The following C9orf50 variants were observed in gnomAD, a reference collection of about 807,000 sequenced individuals.
C9orf50 encodes the protein uncharacterized protein C9orf50.
A neutral mutation model predicts 42.5 loss-of-function variants in C9orf50; 33 were observed. The observed-to-expected ratio is 0.78, with a 90% CI of 0.59 to 1.04. C9orf50 has a LOEUF of 1.04. C9orf50 is among the 50% of genes least tolerant of loss of function. The pLI is 0.00. For synonymous variants in C9orf50, 257 were observed against 273.4 expected, an observed-to-expected ratio of 0.94 and a Z score of 0.59; for missense variants, 547 against 594.3, an observed-to-expected ratio of 0.92 and a Z score of 0.83.
At position 129,620,700 on chromosome 9, in the gene C9orf50, G is replaced by T; in HGVS notation, c.-126C>A. ...CGGGCGGGGCAGCGCGGTGCGGGGT[G>T]AACGCCACCGGCCCGGCGGACAGCG... is the stretch of plus-strand genomic sequence containing the variant. On this transcript the variant is annotated 5_prime_UTR_variant, in exon 1 of 7. Coordinates refer to ENST00000372478, the Ensembl canonical transcript of C9orf50. The surrounding 1 kb of genome is among the most constrained non-coding windows in gnomAD (Gnocchi z 5.8). 1 of 850,704 alleles carries T rather than the reference G, an allele frequency of 1.2e-6. No homozygotes were observed. The highest frequency in any genetic ancestry group is 1.6e-6 in the Non-Finnish European group (1 of 640,816). The allele number at this position is 850,704 out of a possible 1,614,324, so 52.7% of individuals were successfully genotyped here.
At chr9:129,619,176 T>G (rs73670147) in intron 3 of C9orf50, among the ~76,000 whole-genome samples, 6,504 of 152,080 alleles carry the variant, frequency 0.043, 179 homozygotes, top group South Asian at 0.098. Flanking sequence ...GATGGATGGA[T>G]AGATGGAGAG....
intron 3 of C9orf50, among the ~76,000 whole-genome samples, chr9:129,618,680 TA>T (rs1163406549): frequency 4.0e-5 from 6 of 151,238 alleles, no homozygotes; most frequent in Admixed American, 1.3e-4. Context: ...ATTTTTTATT[TA>T]TTTTATTTTA....
chr9:129,612,704 C>G (rs557479405), intron 6 of C9orf50, among the ~76,000 whole-genome samples: 213 of 152,332 alleles, frequency 1.4e-3, no homozygotes, highest in African/African-American at 5.0e-3. Context: ...ATAGTGAAAC[C>G]CTGTCTCTAC....
exon 4 of C9orf50, chr9:129,615,539 G>A (rs572849184): frequency 9.9e-6 from 16 of 1,610,882 alleles, no homozygotes; most frequent in Admixed American, 8.4e-5. Context: ...TCTCGTCAGC[G>A]AATCGCACCC....
In C9orf50 at chr9:129,613,705, A is replaced by AT; in HGVS notation, c.881-109dup. ...CAGGGCCGGTCAGAGCCCTGTCTCC[A>AT]TGGCAACCCCAGGCTCCCCAGCGCC... On this transcript the variant is annotated intron_variant, in intron 4 of 6. Coordinates refer to ENST00000372478, the Ensembl canonical transcript of C9orf50. The surrounding 1 kb of genome is among the most constrained non-coding windows in gnomAD (Gnocchi z 6.2). The AT allele has an allele frequency of 7.1e-7, 1 of 1,411,440 alleles. No homozygotes were observed. The highest frequency in any genetic ancestry group is 1.3e-5 in the South Asian group (1 of 76,530). 87.4% of individuals were successfully genotyped at this position (1,411,440 alleles called of 1,614,324 possible). A position where few individuals can be genotyped will look rare whatever the true frequency, so the allele number is the denominator to read the frequency against.
rs1830164571 is a variant in C9orf50 at position 129,613,042 on chromosome 9, C to G, written c.1188+65G>C. On this transcript the variant is annotated intron_variant, in intron 6 of 6. Coordinates refer to ENST00000372478, the Ensembl canonical transcript of C9orf50. The surrounding 1 kb of genome is among the most constrained non-coding windows in gnomAD (Gnocchi z 6.2). Reference sequence around the variant, plus strand: ...AGCCACTCCACCAAACAGGGCTGCTCCCGGAGCCAGCTGCCAGCAGGGGCT... The same window carrying G: ...AGCCACTCCACCAAACAGGGCTGCTGCCGGAGCCAGCTGCCAGCAGGGGCT... 1 of 1,597,982 alleles carries G rather than the reference C, an allele frequency of 6.3e-7. No individual in the cohort carries two copies.
chr9:129,612,716 G>A (rs577458455), intron 6 of C9orf50, among the ~76,000 whole-genome samples: 1 of 152,138 alleles, frequency 6.6e-6, no homozygotes, highest in Non-Finnish European at 1.5e-5. Flanking sequence ...TGTCTCTACC[G>A]AAAATACAAA....
Position 129,620,774 on chromosome 9 carries a change from A to G in C9orf50, c.-200T>C, listed in dbSNP as rs1232473816. On this transcript the variant is annotated 5_prime_UTR_variant, in exon 1 of 7. Transcript: ENST00000372478. This position sits in a 1 kb window ranked among gnomAD's most constrained non-coding sequence, Gnocchi z 5.8. ...AGAGCCTCTGTTTCCTCACCTGAAA[A>G]ATGGTGACAGCAAGAGTAGCCAACT... The G allele has an allele frequency of 1.4e-5, 6 of 439,050 alleles. No homozygotes were observed. The highest frequency in any genetic ancestry group is 3.8e-6 in the Non-Finnish European group (1 of 265,116). 27.2% of individuals were successfully genotyped at this position (439,050 alleles called of 1,614,324 possible). A position where few individuals can be genotyped will look rare whatever the true frequency, so the allele number is the denominator to read the frequency against.
rs752630755 is a variant in C9orf50 at position 129,613,062 on chromosome 9, G to A, written c.1188+45C>T. On this transcript the variant is annotated intron_variant, in intron 6 of 6. Transcript: ENST00000372478. The surrounding 1 kb of genome is among the most constrained non-coding windows in gnomAD (Gnocchi z 6.2). ...CTGCTCCCGGAGCCAGCTGCCAGCA[G>A]GGGCTCACCAGCTTCTAGGTCCAGG... 1 of 1,610,592 alleles carries A rather than the reference G, an allele frequency of 6.2e-7. No homozygotes were observed. Among genetic ancestry groups the A allele is most frequent in the Non-Finnish European group, 8.5e-7 (1 of 1,179,404 alleles).
intron 6 of C9orf50, 37 bp from the exon 7 acceptor site, chr9:129,612,491 G>A (rs566200924): frequency 6.5e-7 from 1 of 1,549,350 alleles, no homozygotes; most frequent in African/African-American, 1.4e-5. Context: ...CTGCTACCAG[G>A]ACCTCGGGGC....
At position 129,615,467 on chromosome 9, in the gene C9orf50, C is replaced by G; in HGVS notation, c.880+17G>C. The G allele has an allele frequency of 6.4e-7, 1 of 1,566,522 alleles. No individual in the cohort carries two copies. ...GAACTTTCGGGAGTCTCGAGGCTCCCCATCCTGTCTGCTTACCTGAGCGTC... is the reference window on the plus strand; with the variant it reads ...GAACTTTCGGGAGTCTCGAGGCTCCGCATCCTGTCTGCTTACCTGAGCGTC... On this transcript the variant is annotated intron_variant, in intron 4 of 6. Transcript: ENST00000372478.
At chr9:129,615,507 C>CGGA in exon 4 of C9orf50, 2 of 1,605,202 alleles carry the variant, frequency 1.2e-6, no homozygotes, top group Non-Finnish European at 1.7e-6. Context: ...CTCCCAGTAG[C>CGGA]GGAGCGTTGT....
At chr9:129,618,973 C>T (rs1161498184) in intron 3 of C9orf50, among the ~76,000 whole-genome samples, 1 of 151,646 alleles carries the variant, frequency 6.6e-6, no homozygotes, top group Non-Finnish European at 1.5e-5. Flanking sequence ...CTCAGCCTCC[C>T]AAAGTGCTGG....
chr9:129,620,053 C>A lies in C9orf50; in HGVS notation c.508+14G>T. The A allele has an allele frequency of 1.4e-6, 2 of 1,454,388 alleles. No individual in the cohort carries two copies. Among genetic ancestry groups the A allele is most frequent in the Non-Finnish European group, 1.8e-6 (2 of 1,101,874 alleles). The allele number at this position is 1,454,388 out of a possible 1,614,324, so 90.1% of individuals were successfully genotyped here. ...ATGACTCGGGCCCGCCCCCCGGGCC[C>A]CGCGGGGCCTCACTCAGTGGCTCCG... On this transcript the variant is annotated intron_variant, in intron 1 of 6. Transcript: ENST00000372478. The surrounding 1 kb of genome is among the most constrained non-coding windows in gnomAD (Gnocchi z 5.8).
At chr9:129,618,311 C>G (rs1428060938) in intron 3 of C9orf50, among the ~76,000 whole-genome samples, 1 of 152,170 alleles carries the variant, frequency 6.6e-6, no homozygotes, top group African/African-American at 2.4e-5. Context: ...TCTCTTACCT[C>G]CATCCCTTAG....
At chr9:129,612,530 T>C in intron 6 of C9orf50, 76 bp from the exon 7 acceptor site, 1 of 1,153,918 alleles carries the variant, frequency 8.7e-7, no homozygotes, top group Non-Finnish European at 1.3e-6. Context: ...TGGGATTCTG[T>C]GCTGAAGCCC....
rs756276712 is a variant in C9orf50, at chr9:129,613,309, G to A, written c.1044-58C>T. ...ACTCTGAGTCCCCGGCCCACCCATG[G>A]CTGGCAGGGCCCTTGAGGACCCACA... On this transcript the variant is annotated intron_variant, in intron 5 of 6. Transcript: ENST00000372478. This position sits in a 1 kb window ranked among gnomAD's most constrained non-coding sequence, Gnocchi z 6.2. The A allele has an allele frequency of 3.2e-6, 5 of 1,565,970 alleles. No homozygotes were observed. The highest frequency in any genetic ancestry group is 4.3e-6 in the Non-Finnish European group (5 of 1,154,712).
intron 3 of C9orf50, 108 bp downstream of exon 3, chr9:129,619,412 G>A: frequency 1.3e-6 from 1 of 787,632 alleles, no homozygotes; most frequent in Non-Finnish European, 2.1e-6. Context: ...TGGATGAATG[G>A]GTAGATAGGT....
In C9orf50 at chr9:129,613,972, G is replaced by T. The variant is rs1255161543; in HGVS notation, c.881-375C>A. Among the ~76,000 whole-genome samples the T allele has an allele frequency of 1.3e-5, 2 of 152,178 alleles. No homozygotes were observed. The highest frequency in any genetic ancestry group is 4.8e-5 in the African/African-American group (2 of 41,440). On this transcript the variant is annotated intron_variant, in intron 4 of 6. Transcript: ENST00000372478. This position sits in a 1 kb window ranked among gnomAD's most constrained non-coding sequence, Gnocchi z 6.2. ...GCTCTTCCTGTCCAACAGCAGCCATGCGAGGTGGTCCAAGGACCCTGAGTT... is the reference window on the plus strand; with the variant it reads ...GCTCTTCCTGTCCAACAGCAGCCATTCGAGGTGGTCCAAGGACCCTGAGTT...
Sources: allele counts gnomAD v4.1 joint callset (sites outside exome capture counted in the v4.1 genomes callset), GRCh38; gene constraint gnomAD v4.1.1; non-coding constraint Gnocchi (gnomAD v3.1); transcripts MANE v1.5; gene names NCBI Gene and HGNC (gene_info 2026-07-23, HGNC 2026-07-21).